RIMS2: variants seen among roughly 807,000 people sequenced by gnomAD.
RIMS2 encodes regulating synaptic membrane exocytosis 2.
Under a neutral mutation model 174.4 loss-of-function variants are expected in RIMS2, and 59 were observed. That is an observed-to-expected ratio of 0.34 (90% CI 0.27 to 0.42). The LOEUF (loss-of-function observed/expected upper bound fraction) is 0.42. RIMS2 is among the 10% of genes least tolerant of loss of function. The pLI, the probability that RIMS2 is intolerant of heterozygous loss-of-function variation, is 1.00. For missense variants in RIMS2, 1,620 were observed against 1,666.3 expected (o/e 0.97, Z 0.48); for synonymous variants, 606 against 572.5 (o/e 1.06, Z -0.84).
At chr8:103,647,351 A>G (rs565068606) in intron 1 of RIMS2, among the ~76,000 whole-genome samples, 2 of 150,648 alleles carry the variant, frequency 1.3e-5, no homozygotes, top group South Asian at 2.1e-4. Context: ...ATATTTTTGC[A>G]TTGATGTTCA....
At chr8:103,520,158 AC>A (rs1301344086) in intron 1 of RIMS2, among the ~76,000 whole-genome samples, 1 of 152,122 alleles carries the variant, frequency 6.6e-6, no homozygotes, top group Non-Finnish European at 1.5e-5. Flanking sequence ...TAAATTAAAA[AC>A]AATGACTATT....
Position 103,559,056 on chromosome 8 carries a change from C to CTTTTTTTTTTTTTT in RIMS2, c.176+58006_176+58007insTTTTTTTTTTTTTT, listed in dbSNP as rs397952535. ...TGGTGGCCTTTCAGATATTTTTTAA[C>CTTTTTTTTTTTTTT]TTTTTTTTTTTTGCTCTCTGATCAT... On this transcript the variant is annotated intron_variant, in intron 1 of 23. Coordinates refer to ENST00000504942, the Ensembl canonical transcript of RIMS2. 225 of 99,040 alleles carry CTTTTTTTTTTTTTT rather than the reference C, an allele frequency of 2.3e-3. 38 individuals carry two copies. The highest frequency in any genetic ancestry group is 8.7e-3 in the African/African-American group (207 of 23,890). The allele number at this position is 99,040 out of a possible 1,614,324, so 6.1% of individuals were successfully genotyped here.
intron 1 of RIMS2, among the ~76,000 whole-genome samples, chr8:103,591,076 C>A (rs1317358832): frequency 1.3e-5 from 2 of 150,534 alleles, no homozygotes; most frequent in African/African-American, 2.4e-5. Flanking sequence ...CTGGCCCTCT[C>A]TATGTTCACT....
In RIMS2 at chr8:104,137,604, G is replaced by A. The variant is rs139799350; in HGVS notation, c.3335-107312G>A. 3.9e-4 allele frequency among the ~76,000 whole-genome samples: 60 copies of A among 152,116 alleles called. 1 individual carries two copies. In the East Asian group the frequency reaches 8.3e-3, roughly 21 times the overall value. On this transcript the variant is annotated intron_variant, in intron 19 of 23. Transcript: ENST00000504942. ...ATGGCATATGATAAATAGCAGAAAGGTATATAATCAATAGAAGATACTTAG... is the reference window on the plus strand; with the variant it reads ...ATGGCATATGATAAATAGCAGAAAGATATATAATCAATAGAAGATACTTAG...
chr8:103,834,728 CT>C (rs1157814804), intron 3 of RIMS2, among the ~76,000 whole-genome samples: 1 of 120,948 alleles, frequency 8.3e-6, no homozygotes, highest in South Asian at 2.7e-4. Flanking sequence ...TTCTTTCTTT[CT>C]TTCTTTCTTT....
chr8:103,875,860 T>C (rs2154515000), intron 3 of RIMS2, among the ~76,000 whole-genome samples: 1 of 152,144 alleles, frequency 6.6e-6, no homozygotes, highest in South Asian at 2.1e-4. Context: ...TTCTTGTGAT[T>C]AGAGATGTTA....
chr8:104,078,717 A>G (rs1240352761), intron 19 of RIMS2, among the ~76,000 whole-genome samples: 1 of 152,204 alleles, frequency 6.6e-6, no homozygotes, highest in Non-Finnish European at 1.5e-5. Context: ...AGCATATTTG[A>G]TTAGAATGTG....
chr8:103,886,353 G>A (rs2099201360), intron 4 of RIMS2, 130 bp downstream of exon 7: 4 of 718,042 alleles, frequency 5.6e-6, no homozygotes, highest in African/African-American at 3.6e-5. Context: ...TAATGGCATC[G>A]AACGTGTGAA....
At chr8:103,669,473 G>T (rs537494916) in intron 1 of RIMS2, among the ~76,000 whole-genome samples, 1 of 152,272 alleles carries the variant, frequency 6.6e-6, no homozygotes, top group East Asian at 1.9e-4. Context: ...TAACTCAGAA[G>T]TCCACAGTCC....
chr8:103,633,498 C>T (rs962345002), intron 1 of RIMS2, among the ~76,000 whole-genome samples: 1 of 152,050 alleles, frequency 6.6e-6, no homozygotes, highest in East Asian at 1.9e-4. Flanking sequence ...CTGAAGTTTT[C>T]TTTTTCTCTT....
intron 1 of RIMS2, among the ~76,000 whole-genome samples, chr8:103,606,984 G>A (rs1202307632): frequency 2.6e-5 from 4 of 151,904 alleles, no homozygotes; most frequent in Admixed American, 6.6e-5. Context: ...TTTAATTGGA[G>A]CATTTAGTCC....
intron 19 of RIMS2, among the ~76,000 whole-genome samples, chr8:104,130,786 ACT>A (rs1364242380): frequency 1.3e-5 from 2 of 152,070 alleles, no homozygotes; most frequent in Non-Finnish European, 2.9e-5. Context: ...TCACAGAGGA[ACT>A]CTTATTCAAG....
chr8:103,920,629 A>G (rs1595161186), intron 9 of RIMS2: 1 of 456,786 alleles, frequency 2.2e-6, no homozygotes, highest in East Asian at 7.0e-5. Context: ...CTCCCATTGG[A>G]TGTCCCAGAG....
intron 19 of RIMS2, among the ~76,000 whole-genome samples, chr8:104,073,443 T>A (rs993179750): frequency 2.0e-5 from 3 of 152,206 alleles, no homozygotes; most frequent in African/African-American, 7.2e-5. Context: ...ACTCAAAGCT[T>A]ATTTCTCTGG....
Position 104,241,103 on chromosome 8 carries a change from C to T in RIMS2, c.3335-3813C>T, listed in dbSNP as rs577508877. The stretch of plus-strand genomic sequence containing the variant: ...ACTCCTTCACTGTGCTCTGCTTTTC[C>T]CACCCCACTAAGCTGCTTCTAATAG... On this transcript the variant is annotated intron_variant, in intron 19 of 23. Coordinates refer to ENST00000504942, the Ensembl canonical transcript of RIMS2. Among the ~76,000 whole-genome samples, 13 of 152,224 alleles carry T rather than the reference C, an allele frequency of 8.5e-5. No homozygotes were observed. The South Asian group carries it at 2.7e-3, about 32-fold the overall frequency.
chr8:103,633,560 G>A (rs564961383), intron 1 of RIMS2, among the ~76,000 whole-genome samples: 1 of 152,184 alleles, frequency 6.6e-6, no homozygotes, highest in South Asian at 2.1e-4. Flanking sequence ...AAAATGAATT[G>A]GGAGGTGTCT....
chr8:104,185,772 C>G (rs2098964733), intron 19 of RIMS2, among the ~76,000 whole-genome samples: 1 of 151,544 alleles, frequency 6.6e-6, no homozygotes, highest in African/African-American at 2.4e-5. Flanking sequence ...CCCTTATACA[C>G]TGTTGATAGG....
At chr8:103,867,994 A>G (rs1382498416) in intron 3 of RIMS2, among the ~76,000 whole-genome samples, 1 of 152,052 alleles carries the variant, frequency 6.6e-6, no homozygotes, top group Non-Finnish European at 1.5e-5. Context: ...CATTATGTTT[A>G]ATAATGTTCT....
At chr8:103,883,133 A>G (rs2099177047) in intron 3 of RIMS2, among the ~76,000 whole-genome samples, 1 of 151,882 alleles carries the variant, frequency 6.6e-6, no homozygotes, top group African/African-American at 2.4e-5. Flanking sequence ...TCATTTCTGC[A>G]TTCCTAATTT....
Sources: allele counts gnomAD v4.1 joint callset (sites outside exome capture counted in the v4.1 genomes callset), GRCh38; gene constraint gnomAD v4.1.1; transcripts MANE v1.5; gene names NCBI Gene and HGNC (gene_info 2026-07-23, HGNC 2026-07-21).